PAFAH1B2: variants seen among roughly 807,000 people sequenced by gnomAD.
The protein encoded by PAFAH1B2 is platelet activating factor acetylhydrolase 1b catalytic subunit 2, also known as platelet-activating factor acetylhydrolase IB subunit alpha2.
A neutral mutation model predicts 28.0 loss-of-function variants in PAFAH1B2; 8 were observed. The ratio of observed to expected loss-of-function variants is 0.29; its 90% CI spans 0.17 to 0.52. PAFAH1B2 has a LOEUF of 0.52. Ranked by LOEUF, PAFAH1B2 falls within the 20% of genes least tolerant of loss-of-function variation. The pLI is 0.97. For missense variants in PAFAH1B2, 190 were observed against 282.6 expected (o/e 0.67, Z 2.35); for synonymous variants, 104 against 103.2 (o/e 1.01, Z -0.05).
chr11:117,171,105 G>A (rs1157343544), downstream of PAFAH1B2: 1 of 996,478 alleles, frequency 1.0e-6, no homozygotes, highest in Non-Finnish European at 1.2e-6. Flanking sequence ...AAAAAGGGAT[G>A]GTTTTTCCCT....
chr11:117,169,056 G>C lies in PAFAH1B2; in HGVS notation c.*1357G>C. ...TCTGCCCGCCTTGGCCTCCCAAAGTGCTGGGATTACAGGCATGAGCCACCG... is the reference window on the plus strand; with the variant it reads ...TCTGCCCGCCTTGGCCTCCCAAAGTCCTGGGATTACAGGCATGAGCCACCG... On this transcript the variant is annotated 3_prime_UTR_variant, in exon 6 of 6. Transcript: ENST00000527958. 1.1e-6 allele frequency: 1 copy of C among 908,038 alleles called. No individual in the cohort carries two copies. The allele number at this position is 908,038 out of a possible 1,614,324, so 56.2% of individuals were successfully genotyped here.
At chr11:117,154,837 C>CAGTA in intron 2 of PAFAH1B2, among the ~76,000 whole-genome samples, 1 of 152,000 alleles carries the variant, frequency 6.6e-6, no homozygotes, top group Non-Finnish European at 1.5e-5. Context: ...TGGAGTGGGG[C>CAGTA]AGTAGTTGGG....
At chr11:117,163,687 A>T (rs1330894214) in intron 4 of PAFAH1B2, 83 bp from the exon 5 acceptor site, 8 of 1,042,876 alleles carry the variant, frequency 7.7e-6, no homozygotes, top group Non-Finnish European at 1.1e-5. Flanking sequence ...AAAAAAAAAA[A>T]AAAGATTTTC....
At chr11:117,145,555 A>G (rs972353620) in intron 1 of PAFAH1B2, among the ~76,000 whole-genome samples, 1 of 152,208 alleles carries the variant, frequency 6.6e-6, no homozygotes, top group Non-Finnish European at 1.5e-5. Context: ...TTGTTCTGAC[A>G]TAAAGGTTGC....
chr11:117,152,057 T>C (rs1234574304), intron 1 of PAFAH1B2, among the ~76,000 whole-genome samples: 1 of 152,204 alleles, frequency 6.6e-6, no homozygotes, highest in African/African-American at 2.4e-5. Flanking sequence ...TCTTAACAGC[T>C]GAAAAGCCTC....
chr11:117,150,747 C>G (rs973095459), intron 1 of PAFAH1B2, among the ~76,000 whole-genome samples: 1 of 152,006 alleles, frequency 6.6e-6, no homozygotes, highest in Admixed American at 6.6e-5. Flanking sequence ...AAAAAGATTG[C>G]TTATATAGAA....
chr11:117,168,454 T>TTTTTTTTTTTG lies in PAFAH1B2; in HGVS notation c.*765_*766insGTTTTTTTTTT, dbSNP rs1565275112. 2 of 865,108 alleles carry TTTTTTTTTTTG rather than the reference T, an allele frequency of 2.3e-6. No homozygotes were observed. Among genetic ancestry groups the TTTTTTTTTTTG allele is most frequent in the South Asian group, 5.7e-5 (1 of 17,602 alleles). 53.6% of individuals were successfully genotyped at this position (865,108 alleles called of 1,614,324 possible). On this transcript the variant is annotated 3_prime_UTR_variant, in exon 6 of 6. Coordinates refer to ENST00000527958, the MANE Select transcript of PAFAH1B2 (RefSeq NM_002572.4). The stretch of plus-strand genomic sequence containing the variant: ...ATTCCCCCCGCCACCCCGTTTTTTT[T>TTTTTTTTTTTG]TTTTTTTTTTTTTTTTTGGTTCTTG...
rs980318442 is a variant in PAFAH1B2, at chr11:117,144,377, G to C, written c.-49G>C. The C allele has an allele frequency of 1.4e-5, 6 of 420,716 alleles. No homozygotes were observed. The highest frequency in any genetic ancestry group is 1.1e-4 in the African/African-American group (5 of 47,600). 26.1% of individuals were successfully genotyped at this position (420,716 alleles called of 1,614,324 possible). A position where few individuals can be genotyped will look rare whatever the true frequency, so the allele number is the denominator to read the frequency against. ...GCGAGCGACCGACGCGCCACCCGCC[G>C]ACGCCTCAGCCGCTTGGGGCCCGCA... On this transcript the variant is annotated 5_prime_UTR_variant, in exon 1 of 6. Transcript: ENST00000527958.
Position 117,170,938 on chromosome 11 carries a change from A to ACC in PAFAH1B2, c.*3240_*3241dup. On this transcript the variant is annotated 3_prime_UTR_variant, in exon 6 of 6. Transcript: ENST00000527958. ...GGGATCACTGCTGCTAGCTGACTGGACCTCCCCATTGGAAGTTTGTGATTT... is the reference window on the plus strand; with the variant it reads ...GGGATCACTGCTGCTAGCTGACTGGACCCCTCCCCATTGGAAGTTTGTGATTT... 7 of 1,056,830 alleles carry ACC rather than the reference A, an allele frequency of 6.6e-6. No homozygotes were observed. Among genetic ancestry groups the ACC allele is most frequent in the Non-Finnish European group, 8.0e-6 (7 of 874,136 alleles). The allele number at this position is 1,056,830 out of a possible 1,614,324, so 65.5% of individuals were successfully genotyped here.
At chr11:117,158,623 T>C (rs945013221) in intron 2 of PAFAH1B2, among the ~76,000 whole-genome samples, 23 of 150,238 alleles carry the variant, frequency 1.5e-4, no homozygotes, top group African/African-American at 4.6e-4. Flanking sequence ...TTCCTAGTTA[T>C]GATAATAGTT....
chr11:117,177,472 G>C (rs1470223624), downstream of PAFAH1B2, among the ~76,000 whole-genome samples: 2 of 152,090 alleles, frequency 1.3e-5, no homozygotes, highest in Non-Finnish European at 2.9e-5. Context: ...TAAATGTTTA[G>C]TACAATTTTT....
At chr11:117,150,465 T>TC (rs954380974) in intron 1 of PAFAH1B2, among the ~76,000 whole-genome samples, 1 of 152,058 alleles carries the variant, frequency 6.6e-6, no homozygotes, top group Admixed American at 6.6e-5. Context: ...TGTTGTTTTT[T>TC]TTTTTTGAAA....
downstream of PAFAH1B2, chr11:117,175,062 ATTTCTTTGGT>A: frequency 7.7e-7 from 1 of 1,304,074 alleles, no homozygotes; most frequent in Non-Finnish European, 9.8e-7. Context: ...GAATGGTCCC[ATTTCTTTGGT>A]CCATTCAACA....
At chr11:117,174,297 C>A (rs955723684), downstream of PAFAH1B2, among the ~76,000 whole-genome samples, 5 of 151,456 alleles carry the variant, frequency 3.3e-5, no homozygotes. Context: ...GATTCTCCTG[C>A]CTCAGCCTCC....
At chr11:117,153,626 A>T (rs1278329535) in intron 2 of PAFAH1B2, among the ~76,000 whole-genome samples, 1 of 152,168 alleles carries the variant, frequency 6.6e-6, no homozygotes, top group African/African-American at 2.4e-5. Flanking sequence ...CCTGACCTCA[A>T]GTGATCTGCC....
intron 5 of PAFAH1B2, 53 bp from the exon 6 acceptor site, chr11:117,167,368 A>C (rs1956536038): frequency 6.8e-7 from 1 of 1,479,742 alleles, no homozygotes; most frequent in Non-Finnish European, 9.0e-7. Flanking sequence ...ATAAATAATA[A>C]GTAGAGAAAA....
At chr11:117,174,968 C>G (rs914061089), downstream of PAFAH1B2, 13 of 1,491,762 alleles carry the variant, frequency 8.7e-6, no homozygotes, top group African/African-American at 1.4e-5. Flanking sequence ...TCCTCCCTGT[C>G]CTCTCACCCC....
rs752992388 is a variant in PAFAH1B2, at chr11:117,167,554, C to T, written c.545C>T (p.Ser182Leu). Residue 182 changes from serine (S) to leucine (L), a missense_variant, in exon 6 of 6, where the codon TCG (serine) becomes TTG (leucine). Ser to Leu is a moderately radical substitution (Grantham distance 145). Coordinates refer to ENST00000527958, the MANE Select transcript of PAFAH1B2 (RefSeq NM_002572.4). ...GATACCGACGGGGGTTTTGTGCACT[C>T]GGACGGTGCCATCTCCTGCCACGAC... ...LLDTDGGFVH[S>L]DGAISCHDMF... 10 of 1,612,838 alleles carry T rather than the reference C, an allele frequency of 6.2e-6. No individual in the cohort carries two copies. Among genetic ancestry groups the T allele is most frequent in the African/African-American group, 2.7e-5 (2 of 74,874 alleles).
At chr11:117,146,441 T>C (rs1956011323) in intron 1 of PAFAH1B2, among the ~76,000 whole-genome samples, 1 of 152,306 alleles carries the variant, frequency 6.6e-6, no homozygotes, top group East Asian at 1.9e-4. Context: ...GTTCTTATTT[T>C]ATGTGTCCAT....
Sources: allele counts gnomAD v4.1 joint callset (sites outside exome capture counted in the v4.1 genomes callset), GRCh38; gene constraint gnomAD v4.1.1; transcripts MANE v1.5; gene names NCBI Gene and HGNC (gene_info 2026-07-23, HGNC 2026-07-21).